Variants in OR4F3 observed in about 807,000 individuals in gnomAD.
The protein encoded by OR4F3 is olfactory receptor family 4 subfamily F member 3.
the OR4F3 span, among the ~76,000 whole-genome samples, chr5:181,356,666 A>C: frequency 7.2e-6 from 1 of 138,096 alleles, no homozygotes; most frequent in African/African-American, 2.9e-5. Flanking sequence ...TACCCTTTAG[A>C]TCTCAGCTCC....
chr5:181,363,422 A>G (rs1487127250), upstream of OR4F3, among the ~76,000 whole-genome samples: 1 of 94,928 alleles, frequency 1.1e-5, no homozygotes, highest in East Asian at 2.7e-4. Flanking sequence ...CCAAATTATT[A>G]ACCTTTCTAC....
At chr5:181,363,924 T>C (rs1314175635), upstream of OR4F3, among the ~76,000 whole-genome samples, 1 of 76,790 alleles carries the variant, frequency 1.3e-5, no homozygotes, top group African/African-American at 1.0e-4. Flanking sequence ...CCCAAATGAG[T>C]GTGTTAAAGG....
At chr5:181,362,535 T>G (rs368252812), upstream of OR4F3, among the ~76,000 whole-genome samples, 274 of 122,962 alleles carry the variant, frequency 2.2e-3, 2 homozygotes, top group African/African-American at 7.9e-3. Flanking sequence ...AATTTTTTTT[T>G]GGGGGGGGTG....
the OR4F3 span, among the ~76,000 whole-genome samples, chr5:181,361,698 C>CTA: frequency 9.5e-6 from 1 of 105,266 alleles, no homozygotes; most frequent in African/African-American, 4.5e-5. Flanking sequence ...TGCCACATCA[C>CTA]TATAGTGCCT....
At chr5:181,363,803 T>C (rs559398183), upstream of OR4F3, among the ~76,000 whole-genome samples, 146 of 87,620 alleles carry the variant, frequency 1.7e-3, 4 homozygotes, top group African/African-American at 5.8e-3. Flanking sequence ...TTCCATTTAT[T>C]ATCATCTGTG....
chr5:181,357,094 A>G, the OR4F3 span, among the ~76,000 whole-genome samples: 3 of 133,780 alleles, frequency 2.2e-5, 1 homozygote, highest in African/African-American at 9.4e-5. Context: ...GACTCTTTTA[A>G]TATAGTTCCA....
chr5:181,363,895 T>A (rs1761092448), upstream of OR4F3, among the ~76,000 whole-genome samples: 1 of 83,476 alleles, frequency 1.2e-5, no homozygotes, highest in Non-Finnish European at 2.2e-5. Flanking sequence ...TGCAACCCAA[T>A]GTCAAAGTCC....
At chr5:181,360,748 T>G in the OR4F3 span, among the ~76,000 whole-genome samples, 12 of 131,310 alleles carry the variant, frequency 9.1e-5, 1 homozygote, top group Non-Finnish European at 1.6e-4. Context: ...TTGTCTCCTC[T>G]AGGCCAGCAC....
At chr5:181,363,963 G>A (rs1467842831), upstream of OR4F3, among the ~76,000 whole-genome samples, 1 of 69,738 alleles carries the variant, frequency 1.4e-5, no homozygotes, top group South Asian at 4.9e-4. Flanking sequence ...AAACTCAGTA[G>A]CATCCTTGAA....
At chr5:181,355,623 A>C in the OR4F3 span, among the ~76,000 whole-genome samples, 15 of 100,480 alleles carry the variant, frequency 1.5e-4, no homozygotes, top group Admixed American at 2.0e-4. Flanking sequence ...TTATTGGTCA[A>C]AGCAGTCAAA....
At chr5:181,357,266 A>G in the OR4F3 span, among the ~76,000 whole-genome samples, 628 of 134,164 alleles carry the variant, frequency 4.7e-3, 50 homozygotes, top group Admixed American at 9.2e-3. Flanking sequence ...AGTTGAATGG[A>G]CCAGAATATA....
the OR4F3 span, among the ~76,000 whole-genome samples, chr5:181,358,258 G>T: frequency 7.7e-6 from 1 of 130,086 alleles, no homozygotes; most frequent in Non-Finnish European, 1.6e-5. Flanking sequence ...TTTTATAAAG[G>T]TCATCATGTT....
At chr5:181,363,840 A>G (rs1247945584), upstream of OR4F3, among the ~76,000 whole-genome samples, 2 of 88,502 alleles carry the variant, frequency 2.3e-5, 1 homozygote. Context: ...TGTGAGTCCA[A>G]AAGGGCGATA....
the OR4F3 span, among the ~76,000 whole-genome samples, chr5:181,359,514 G>T: frequency 7.0e-4 from 74 of 105,616 alleles, 17 homozygotes; most frequent in Middle Eastern, 8.5e-3. Context: ...ATAAAATAAA[G>T]ATGTAAAGTA....
At chr5:181,363,953 A>G (rs1673717091), upstream of OR4F3, among the ~76,000 whole-genome samples, 1 of 72,198 alleles carries the variant, frequency 1.4e-5, no homozygotes, top group Non-Finnish European at 2.4e-5. Flanking sequence ...TCCCAGAGTC[A>G]AACTCAGTAG....
chr5:181,363,557 C>A (rs188053749), upstream of OR4F3, among the ~76,000 whole-genome samples: 566 of 97,466 alleles, frequency 5.8e-3, 114 homozygotes, highest in Middle Eastern at 0.028. Context: ...TAAGTCCACC[C>A]TGCAGACCCA....
the OR4F3 span, among the ~76,000 whole-genome samples, chr5:181,354,209 G>A: frequency 8.6e-6 from 1 of 116,724 alleles, no homozygotes; most frequent in Non-Finnish European, 1.8e-5. Context: ...TGGTTTCATA[G>A]GCTGGGCCCA....
upstream of OR4F3, among the ~76,000 whole-genome samples, chr5:181,364,156 T>C (rs201160777): frequency 0.032 from 647 of 19,948 alleles, 13 homozygotes; most frequent in East Asian, 0.085. Context: ...TCCCATTCTT[T>C]CCATATTTTT....
chr5:181,363,918 A>G (rs369286989), upstream of OR4F3, among the ~76,000 whole-genome samples: 5,694 of 68,940 alleles, frequency 0.083, 1,056 homozygotes, highest in African/African-American at 0.27. Flanking sequence ...AGCATCCCCA[A>G]ATGAGTGTGT....
Sources: gnomAD v4.1 joint callset for allele counts (sites outside exome capture counted in the v4.1 genomes callset) on GRCh38, gnomAD v4.1.1 for gene constraint, MANE v1.5 for transcripts, NCBI Gene and HGNC (gene_info 2026-07-23, HGNC 2026-07-21) for gene names.